MICAL2: variants seen among roughly 807,000 people sequenced by gnomAD.
The protein encoded by MICAL2 is microtubule associated monooxygenase, calponin and LIM domain containing 2.
A neutral mutation model predicts 127.3 loss-of-function variants in MICAL2; 77 were observed. That is an observed-to-expected ratio of 0.60 (90% CI 0.50 to 0.73). The LOEUF (loss-of-function observed/expected upper bound fraction) is 0.73. MICAL2 is among the 30% of genes least tolerant of loss of function. The pLI, the probability that MICAL2 is intolerant of heterozygous loss-of-function variation, is 0.00. For synonymous variants in MICAL2, 570 were observed against 551.1 expected, an observed-to-expected ratio of 1.03 and a Z score of -0.48; for missense variants, 1,351 against 1,434.4, an observed-to-expected ratio of 0.94 and a Z score of 0.94.
At chr11:12,258,832 G>A (rs1862692948) in intron 25 of MICAL2, among the ~76,000 whole-genome samples, 1 of 152,252 alleles carries the variant, frequency 6.6e-6, no homozygotes, top group Non-Finnish European at 1.5e-5. Flanking sequence ...TGGCAGGGAT[G>A]GGGTGATATG....
downstream of MICAL2, among the ~76,000 whole-genome samples, chr11:12,292,521 T>C (rs1863918422): frequency 1.3e-5 from 2 of 152,164 alleles, no homozygotes; most frequent in African/African-American, 4.8e-5. Flanking sequence ...GACACAGTCA[T>C]TCCCTCAGCA....
intron 2 of MICAL2, among the ~76,000 whole-genome samples, chr11:12,148,862 A>G (rs1853256710): frequency 6.6e-6 from 1 of 152,224 alleles, no homozygotes; most frequent in South Asian, 2.1e-4. Flanking sequence ...AGTGCAGCTA[A>G]GGATGCAGCC....
intron 3 of MICAL2, among the ~76,000 whole-genome samples, chr11:12,178,191 C>G (rs1857044318): frequency 6.6e-6 from 1 of 152,186 alleles, no homozygotes; most frequent in South Asian, 2.1e-4. Flanking sequence ...AGGGATCTTC[C>G]ACTAGCTGAA....
intron 2 of MICAL2, chr11:12,161,676 T>G (rs1854814623): frequency 6.3e-6 from 1 of 159,796 alleles, no homozygotes; most frequent in African/African-American, 2.4e-5. Context: ...CCAACCAATT[T>G]GCAGCACCGA....
chr11:12,208,596 T>C (rs990908998), intron 5 of MICAL2, among the ~76,000 whole-genome samples: 3 of 152,266 alleles, frequency 2.0e-5, no homozygotes, highest in African/African-American at 7.2e-5. Flanking sequence ...ATTTGGTATA[T>C]AATACTCTTA....
intron 3 of MICAL2, 85 bp downstream of exon 3, chr11:12,162,504 C>G: frequency 4.0e-6 from 6 of 1,496,134 alleles, no homozygotes; most frequent in Non-Finnish European, 4.6e-6. Context: ...CATTTTGGCA[C>G]TCTACGGTTC....
chr11:12,120,285 C>G (rs571102435), intron 1 of MICAL2, among the ~76,000 whole-genome samples: 5 of 152,162 alleles, frequency 3.3e-5, no homozygotes, highest in Non-Finnish European at 7.3e-5. Flanking sequence ...AGCTGTCAGC[C>G]AAGGGCTGAA....
intron 22 of MICAL2, among the ~76,000 whole-genome samples, chr11:12,251,578 A>T (rs1861556473): frequency 7.0e-5 from 1 of 14,314 alleles, no homozygotes; most frequent in Non-Finnish European, 1.3e-4. Context: ...ATTTCACTTT[A>T]AAAAAAAAAA....
At chr11:12,362,067 A>C (rs11022325), downstream of MICAL2, among the ~76,000 whole-genome samples, 1,167 of 152,370 alleles carry the variant, frequency 7.7e-3, 11 homozygotes, top group Non-Finnish European at 0.012. Flanking sequence ...GTGGATGGAA[A>C]TGTGTTATTT....
At chr11:12,131,268 C>T (rs1186009182) in intron 1 of MICAL2, among the ~76,000 whole-genome samples, 1 of 29,834 alleles carries the variant, frequency 3.4e-5, no homozygotes, top group Non-Finnish European at 1.2e-4. Context: ...AGTCCACAGT[C>T]CGGCCTGGGC....
At chr11:12,173,800 T>C (rs1856545002) in intron 3 of MICAL2, among the ~76,000 whole-genome samples, 1 of 152,248 alleles carries the variant, frequency 6.6e-6, no homozygotes, top group African/African-American at 2.4e-5. Flanking sequence ...CTTTGTCTTT[T>C]TGTGTTTGGT....
At chr11:12,160,807 T>G (rs985177982) in intron 2 of MICAL2, among the ~76,000 whole-genome samples, 12 of 152,246 alleles carry the variant, frequency 7.9e-5, no homozygotes, top group African/African-American at 2.7e-4. Flanking sequence ...AGCCTACGTA[T>G]TCCCGGCCCC....
chr11:12,264,035 T>A (rs931637334), downstream of MICAL2, among the ~76,000 whole-genome samples: 1 of 152,152 alleles, frequency 6.6e-6, no homozygotes. Flanking sequence ...TTTGCTGTTC[T>A]AGATGCTGGG....
intron 3 of MICAL2, among the ~76,000 whole-genome samples, chr11:12,168,299 C>CCATA (rs983037312): frequency 1.5e-4 from 22 of 150,660 alleles, no homozygotes; most frequent in Admixed American, 6.6e-4. Context: ...ACGCCACACA[C>CCATA]CATACACACA....
rs1245755269 is a variant in MICAL2 at position 12,223,514 on chromosome 11, C to T, written c.1540+13C>T. The T allele has an allele frequency of 1.2e-6, 2 of 1,610,588 alleles. No homozygotes were observed. Among genetic ancestry groups the T allele is most frequent in the Non-Finnish European group, 1.7e-6 (2 of 1,177,602 alleles). The stretch of plus-strand genomic sequence containing the variant: ...CTCTCCAGGAAGGGTAAGCGGCCCT[C>T]CTGGGACCCTGGTGGGTGGCTGGGA... On this transcript the variant is annotated intron_variant, in intron 12 of 27. Transcript: ENST00000683283.
At chr11:12,326,147 G>A (rs2134851104) in intron 31 of MICAL2, among the ~76,000 whole-genome samples, 1 of 152,254 alleles carries the variant, frequency 6.6e-6, no homozygotes, top group South Asian at 2.1e-4. Flanking sequence ...TGATTCCAGG[G>A]GAGATTTAGA....
intron 2 of MICAL2, among the ~76,000 whole-genome samples, chr11:12,152,133 C>CAAA (rs71037057): frequency 0.21 from 25,812 of 123,040 alleles, 3,035 homozygotes; most frequent in Admixed American, 0.38. Context: ...ACTAAAAATA[C>CAAA]AAAAAAAAAA....
intron 3 of MICAL2, among the ~76,000 whole-genome samples, chr11:12,169,391 T>C (rs989531628): frequency 5.9e-5 from 9 of 152,210 alleles, no homozygotes; most frequent in Admixed American, 3.3e-4. Context: ...TATTTATTTA[T>C]TTATTTATTT....
chr11:12,186,899 T>C (rs766669460), intron 3 of MICAL2, among the ~76,000 whole-genome samples: 6 of 152,222 alleles, frequency 3.9e-5, no homozygotes, highest in African/African-American at 7.2e-5. Context: ...CACGGGCCCA[T>C]GAGCAGCTGG....
Sources: allele counts gnomAD v4.1 joint callset (sites outside exome capture counted in the v4.1 genomes callset), GRCh38; gene constraint gnomAD v4.1.1; transcripts MANE v1.5; gene names NCBI Gene and HGNC (gene_info 2026-07-23, HGNC 2026-07-21).